Variants in NELL1 observed in about 807,000 individuals in gnomAD.
The protein encoded by NELL1 is protein kinase C-binding protein NELL1.
In NELL1, 76 loss-of-function variants were observed where a neutral mutation model predicts 107.4. The observed-to-expected ratio is 0.71, with a 90% CI of 0.59 to 0.86. The LOEUF is 0.86. Ranked by LOEUF, NELL1 falls within the 40% of genes least tolerant of loss-of-function variation. The pLI is 0.00. For missense variants in NELL1, 1,024 were observed against 1,005.5 expected, an observed-to-expected ratio of 1.02 and a Z score of -0.25; for synonymous variants, 353 against 341.2, an observed-to-expected ratio of 1.03 and a Z score of -0.38.
chr11:21,201,734 G>A (rs996825963), intron 13 of NELL1, among the ~76,000 whole-genome samples: 1 of 152,170 alleles, frequency 6.6e-6, no homozygotes, highest in South Asian at 2.1e-4. Flanking sequence ...TCCAGCTTTT[G>A]CCCATTCAGT....
chr11:21,347,624 A>G (rs1217755998), intron 14 of NELL1, among the ~76,000 whole-genome samples: 1 of 152,182 alleles, frequency 6.6e-6, no homozygotes, highest in Non-Finnish European at 1.5e-5. Context: ...CAACAACAAC[A>G]AAAGAAACCA....
At chr11:20,964,161 G>A (rs901288453) in intron 12 of NELL1, among the ~76,000 whole-genome samples, 2 of 152,112 alleles carry the variant, frequency 1.3e-5, no homozygotes, top group African/African-American at 2.4e-5. Flanking sequence ...AATCTTGTCG[G>A]CTGAGGCTTT....
rs567035386 is a variant in NELL1 at position 20,875,715 on chromosome 11, G to T, written c.507-9729G>T. On this transcript the variant is annotated intron_variant, in intron 4 of 19. Transcript: ENST00000357134. ...CTGGTACATAATCACAATCATCTCA[G>T]AATGATATCTGGATCGTGAATTTTA... 3.3e-5 allele frequency among the ~76,000 whole-genome samples: 5 copies of T among 152,320 alleles called. No homozygotes were observed. In the South Asian group the frequency reaches 1.0e-3, roughly 32 times the overall value.
intron 2 of NELL1, among the ~76,000 whole-genome samples, chr11:20,697,710 G>C (rs1048633409): frequency 6.6e-6 from 1 of 152,094 alleles, no homozygotes; most frequent in Non-Finnish European, 1.5e-5. Flanking sequence ...CTGGCTTGCC[G>C]TCAAGTGTGG....
At chr11:21,018,151 A>G (rs897770042) in intron 12 of NELL1, among the ~76,000 whole-genome samples, 1 of 152,042 alleles carries the variant, frequency 6.6e-6, no homozygotes, top group African/African-American at 2.4e-5. Context: ...ATATTTGTGT[A>G]TTTGTATTTT....
intron 15 of NELL1, among the ~76,000 whole-genome samples, chr11:21,456,738 G>A (rs1046118978): frequency 1.3e-5 from 2 of 151,928 alleles, no homozygotes; most frequent in Non-Finnish European, 2.9e-5. Flanking sequence ...AATAAGGCAG[G>A]GCTTGTAGCA....
intron 12 of NELL1, among the ~76,000 whole-genome samples, chr11:21,038,127 G>A (rs1432513591): frequency 6.6e-6 from 1 of 152,160 alleles, no homozygotes; most frequent in East Asian, 1.9e-4. Flanking sequence ...TGGCTTATAA[G>A]CGAACTGCAA....
chr11:21,486,392 A>G (rs1286038662), intron 15 of NELL1, among the ~76,000 whole-genome samples: 1 of 152,236 alleles, frequency 6.6e-6, no homozygotes, highest in African/African-American at 2.4e-5. Flanking sequence ...CCAGGAAATC[A>G]TACAAAGACT....
At chr11:21,574,018 C>T (rs1473407507) in intron 19 of NELL1, among the ~76,000 whole-genome samples, 1 of 151,768 alleles carries the variant, frequency 6.6e-6, no homozygotes, top group Non-Finnish European at 1.5e-5. Flanking sequence ...CCTCATGTGT[C>T]ATTAAGACTA....
intron 14 of NELL1, among the ~76,000 whole-genome samples, chr11:21,287,264 T>G (rs1226986858): frequency 6.6e-6 from 1 of 152,146 alleles, no homozygotes; most frequent in Non-Finnish European, 1.5e-5. Context: ...CCTCATTAGC[T>G]TTTCTTATCA....
chr11:20,973,879 C>T (rs1174961103), intron 12 of NELL1, among the ~76,000 whole-genome samples: 1 of 152,204 alleles, frequency 6.6e-6, no homozygotes, highest in Non-Finnish European at 1.5e-5. Context: ...TTGATGCTGA[C>T]ACCTGGCTCC....
At chr11:20,954,816 A>T (rs556560505) in intron 11 of NELL1, among the ~76,000 whole-genome samples, 1 of 152,312 alleles carries the variant, frequency 6.6e-6, no homozygotes, top group Admixed American at 6.5e-5. Flanking sequence ...CAATTTACTC[A>T]ACTCCGGGCA....
chr11:21,452,678 C>T (rs2133860209), intron 15 of NELL1, among the ~76,000 whole-genome samples: 1 of 151,964 alleles, frequency 6.6e-6, no homozygotes, highest in East Asian at 1.9e-4. Flanking sequence ...CTAATCTTAT[C>T]TTTACTATTT....
intron 2 of NELL1, among the ~76,000 whole-genome samples, chr11:20,706,235 C>G (rs1394207537): frequency 6.6e-6 from 1 of 152,114 alleles, no homozygotes; most frequent in Non-Finnish European, 1.5e-5. Context: ...TATTGTGGCA[C>G]TATTCACAAT....
chr11:21,476,045 A>C (rs968383187), intron 15 of NELL1, among the ~76,000 whole-genome samples: 1 of 152,096 alleles, frequency 6.6e-6, no homozygotes, highest in African/African-American at 2.4e-5. Flanking sequence ...ACAGTTAATT[A>C]CTCATAATTT....
At chr11:21,537,388 T>C (rs1052479714) in intron 16 of NELL1, among the ~76,000 whole-genome samples, 2 of 152,148 alleles carry the variant, frequency 1.3e-5, no homozygotes, top group Non-Finnish European at 2.9e-5. Flanking sequence ...TTTCATGCCT[T>C]GAACATGACA....
Position 21,382,623 on chromosome 11 carries a change from T to G in NELL1, c.1645+11675T>G, listed in dbSNP as rs570151106. ...CATTAACAAGAATAGAATAGAAATT[T>G]TGGTCTATTTCAAATAGCTTTGTCA... On this transcript the variant is annotated intron_variant, in intron 15 of 19. Coordinates refer to ENST00000357134, the MANE Select transcript of NELL1 (RefSeq NM_006157.5). Among the ~76,000 whole-genome samples the G allele has an allele frequency of 7.2e-5, 11 of 152,024 alleles. No homozygotes were observed. In the East Asian group the frequency reaches 2.1e-3, roughly 30 times the overall value.
chr11:21,328,177 GA>G (rs1565170378), intron 14 of NELL1, among the ~76,000 whole-genome samples: 2 of 152,090 alleles, frequency 1.3e-5, no homozygotes, highest in African/African-American at 4.8e-5. Context: ...GGCTTAGGAG[GA>G]AAAAATTGTT....
chr11:20,683,969 A>T (rs1854246844), intron 2 of NELL1, among the ~76,000 whole-genome samples: 1 of 148,222 alleles, frequency 6.7e-6, no homozygotes, highest in Non-Finnish European at 1.5e-5. Flanking sequence ...GATCTACTGA[A>T]CTTGGGAAAA....
Sources: allele counts gnomAD v4.1 joint callset (sites outside exome capture counted in the v4.1 genomes callset), GRCh38; gene constraint gnomAD v4.1.1; transcripts MANE v1.5; gene names NCBI Gene and HGNC (gene_info 2026-07-23, HGNC 2026-07-21).